The following LYPD6 variants were observed in gnomAD, a reference collection of about 807,000 sequenced individuals.
LYPD6 encodes the protein ly6/PLAUR domain-containing protein 6.
LYPD6 carries 15 observed loss-of-function variants against 22.7 expected under a neutral mutation model. That is an observed-to-expected ratio of 0.66 (90% CI 0.44 to 1.02). LYPD6 has a LOEUF of 1.02. Among genes scored for constraint, LYPD6 ranks in the 50% least tolerant of loss-of-function variants. The pLI, the probability that LYPD6 is intolerant of heterozygous loss-of-function variation, is 0.00. For synonymous variants in LYPD6, 72 were observed against 77.5 expected (o/e 0.93, Z 0.37); for missense variants, 189 against 208.4 (o/e 0.91, Z 0.57).
intron 1 of LYPD6, among the ~76,000 whole-genome samples, chr2:149,422,257 A>G (rs903007154): frequency 4.6e-5 from 7 of 152,148 alleles, no homozygotes; most frequent in Non-Finnish European, 8.8e-5. Flanking sequence ...CTATTTTGCA[A>G]TTGAGGAAAC....
At chr2:149,407,367 T>C (rs1298868221) in intron 1 of LYPD6, among the ~76,000 whole-genome samples, 4 of 152,158 alleles carry the variant, frequency 2.6e-5, no homozygotes, top group Non-Finnish European at 4.4e-5. Context: ...CTTTCAGGTA[T>C]ACCAATCAGA....
chr2:149,469,928 A>G (rs951492298), intron 4 of LYPD6, among the ~76,000 whole-genome samples: 2 of 152,170 alleles, frequency 1.3e-5, no homozygotes, highest in Admixed American at 6.6e-5. Context: ...ATAGAATGTT[A>G]TTAATAACCA....
intron 1 of LYPD6, among the ~76,000 whole-genome samples, chr2:149,352,945 G>A (rs936213210): frequency 1.3e-5 from 2 of 152,238 alleles, no homozygotes; most frequent in Non-Finnish European, 1.5e-5. Context: ...TGCTGGTCCT[G>A]GCAGAGGAGG....
intron 1 of LYPD6, among the ~76,000 whole-genome samples, chr2:149,413,380 T>C (rs1362613183): frequency 6.6e-6 from 1 of 152,158 alleles, no homozygotes; most frequent in Non-Finnish European, 1.5e-5. Context: ...AATTTTCTCA[T>C]GTGTAAAGAA....
At chr2:149,352,715 A>G (rs1027431566) in intron 1 of LYPD6, among the ~76,000 whole-genome samples, 1 of 152,248 alleles carries the variant, frequency 6.6e-6, no homozygotes, top group African/African-American at 2.4e-5. Flanking sequence ...TAATTGGGAC[A>G]GAGATCACTT....
At chr2:149,351,415 AG>A (rs375695120) in intron 1 of LYPD6, among the ~76,000 whole-genome samples, 2 of 148,378 alleles carry the variant, frequency 1.3e-5, no homozygotes, top group Non-Finnish European at 1.5e-5. Flanking sequence ...AAAAAAAAAA[AG>A]AAAGAAAACA....
downstream of LYPD6, among the ~76,000 whole-genome samples, chr2:149,477,622 C>CA (rs35507967): frequency 8.7e-3 from 549 of 62,918 alleles, 35 homozygotes; most frequent in African/African-American, 0.024. Flanking sequence ...AACTGTGTCT[C>CA]AAAAAAAAAA....
chr2:149,464,258 G>T (rs1681153826), intron 3 of LYPD6: 1 of 304,410 alleles, frequency 3.3e-6, no homozygotes, highest in African/African-American at 2.3e-5. Context: ...GCATTGACCT[G>T]GTTGGGAGGA....
At chr2:149,383,695 T>C (rs1242088981) in intron 1 of LYPD6, among the ~76,000 whole-genome samples, 1 of 152,210 alleles carries the variant, frequency 6.6e-6, no homozygotes. Context: ...TGATCATACA[T>C]TGAGCACATT....
chr2:149,468,661 C>T lies in LYPD6; in HGVS notation c.234C>T (p.Tyr78=). The T allele has an allele frequency of 6.2e-7, 1 of 1,613,456 alleles. No individual in the cohort carries two copies. Among genetic ancestry groups the T allele is most frequent in the Non-Finnish European group, 8.5e-7 (1 of 1,179,648 alleles). Residue 78 remains tyrosine, a synonymous_variant, in exon 4 of 5, where the codon TAC becomes TAT. Transcript: ENST00000334166. ...TGTTGACAGAGACCAGATACTGCTA[C>T]ACTCAGCACACAATGGAAGTCACAG... is the stretch of plus-strand genomic sequence containing the variant. The part of the protein sequence containing the change: ...IYCPRETRYC[Y]TQHTMEVTGN...
chr2:149,337,780 C>G (rs1466511408), intron 1 of LYPD6, among the ~76,000 whole-genome samples: 1 of 152,200 alleles, frequency 6.6e-6, no homozygotes, highest in Non-Finnish European at 1.5e-5. Flanking sequence ...ATTCCTCACT[C>G]TCTTCCCACC....
rs926486499 is a variant in LYPD6 at position 149,473,817 on chromosome 2, TTAAG to T, written c.*2970_*2973del. The T allele has an allele frequency of 6.6e-6, 1 of 152,184 alleles. No individual in the cohort carries two copies. The highest frequency in any genetic ancestry group is 6.5e-5 in the Admixed American group (1 of 15,272). The allele number at this position is 152,184 out of a possible 1,614,324, so 9.4% of individuals were successfully genotyped here. A position where few individuals can be genotyped will look rare whatever the true frequency, so the allele number is the denominator to read the frequency against. On this transcript the variant is annotated 3_prime_UTR_variant, in exon 5 of 5. Coordinates refer to ENST00000334166, the MANE Select transcript of LYPD6 (RefSeq NM_194317.5). ...ATGCCAAATGATTCATACAGGCTGT[TTAAG>T]TACTGCAGAAAATAAAAGAAGGAAA...
At chr2:149,373,352 T>C (rs757128276) in intron 1 of LYPD6, among the ~76,000 whole-genome samples, 5 of 152,034 alleles carry the variant, frequency 3.3e-5, no homozygotes, top group Non-Finnish European at 7.4e-5. Context: ...AGTTATAAAT[T>C]TGGGAGTTGC....
downstream of LYPD6, among the ~76,000 whole-genome samples, chr2:149,478,405 C>T (rs1558822896): frequency 8.4e-6 from 1 of 119,476 alleles, no homozygotes; most frequent in African/African-American, 4.2e-5. Context: ...TGTGTGCGCG[C>T]ACGCATGTGT....
chr2:149,457,638 G>A (rs1353604582), intron 3 of LYPD6, among the ~76,000 whole-genome samples: 3 of 152,140 alleles, frequency 2.0e-5, no homozygotes, highest in Non-Finnish European at 2.9e-5. Flanking sequence ...TGCTTTAAAT[G>A]TCCTACAATT....
chr2:149,352,442 G>C (rs1681375671), intron 1 of LYPD6, among the ~76,000 whole-genome samples: 1 of 152,190 alleles, frequency 6.6e-6, no homozygotes, highest in Non-Finnish European at 1.5e-5. Flanking sequence ...CAAGTTACAG[G>C]GAAGTTCATT....
chr2:149,485,866 G>A, the LYPD6 span, among the ~76,000 whole-genome samples: 1 of 152,126 alleles, frequency 6.6e-6, no homozygotes, highest in Non-Finnish European at 1.5e-5. Context: ...GGTTCTGCAG[G>A]CAAAGACACT....
intron 1 of LYPD6, among the ~76,000 whole-genome samples, chr2:149,382,575 G>A (rs562196003): frequency 9.2e-5 from 14 of 152,152 alleles, no homozygotes; most frequent in African/African-American, 2.9e-4. Context: ...TCATGTTGAC[G>A]TCAGTCAGCA....
intron 1 of LYPD6, among the ~76,000 whole-genome samples, chr2:149,343,434 A>G (rs889462538): frequency 6.6e-6 from 1 of 152,236 alleles, no homozygotes; most frequent in Non-Finnish European, 1.5e-5. Context: ...GCCTTAAATT[A>G]TCTTCCAAAT....
Sources: gnomAD v4.1 joint callset for allele counts (sites outside exome capture counted in the v4.1 genomes callset) on GRCh38, gnomAD v4.1.1 for gene constraint, MANE v1.5 for transcripts, NCBI Gene and HGNC (gene_info 2026-07-23, HGNC 2026-07-21) for gene names.